Variants in TMEM150C observed in about 807,000 individuals in gnomAD.
The protein encoded by TMEM150C is transmembrane protein 150C.
In TMEM150C, 10 loss-of-function variants were observed where a neutral mutation model predicts 29.9. The observed-to-expected ratio is 0.33, with a 90% CI of 0.21 to 0.57. The LOEUF (loss-of-function observed/expected upper bound fraction) is 0.57. TMEM150C is among the 20% of genes least tolerant of loss of function. TMEM150C has a pLI of 0.88. For missense variants in TMEM150C, 251 were observed against 303.6 expected (o/e 0.83, Z 1.29); for synonymous variants, 101 against 112.5 (o/e 0.90, Z 0.64).
intron 1 of TMEM150C, among the ~76,000 whole-genome samples, chr4:82,550,945 G>C (rs1725558346): frequency 6.6e-6 from 1 of 152,208 alleles, no homozygotes; most frequent in African/African-American, 2.4e-5. Context: ...GTGAAGGCTT[G>C]AGAGTGAGTA....
intron 6 of TMEM150C, among the ~76,000 whole-genome samples, chr4:82,492,864 G>GTATATATATATATAAATATATA (rs1723410979): frequency 2.2e-5 from 2 of 90,288 alleles, no homozygotes; most frequent in African/African-American, 3.9e-5. Flanking sequence ...ATATGTTTGT[G>GTATATATATATATAAATATATA]TATATATATA....
rs186351736 is a variant in TMEM150C at position 82,559,216 on chromosome 4, C to T, written c.-11+2690G>A. On this transcript the variant is annotated intron_variant, in intron 1 of 7. Transcript: ENST00000449862. ...GTGAAATAAACAGCCTTGTTGCTCA[C>T]ACAAAGCCTGTTGGTGGACTCTCTT... is the stretch of plus-strand genomic sequence containing the variant. Among the ~76,000 whole-genome samples the T allele has an allele frequency of 6.7e-3, 1,016 of 152,196 alleles. 5 individuals are homozygous for T. Among genetic ancestry groups the T allele is most frequent in the South Asian group, 0.035 (168 of 4,816 alleles).
intron 1 of TMEM150C, among the ~76,000 whole-genome samples, chr4:82,549,375 C>A (rs1389123430): frequency 2.0e-5 from 3 of 152,160 alleles, no homozygotes; most frequent in African/African-American, 7.2e-5. Flanking sequence ...AAGACAAATA[C>A]TATACCATAT....
At chr4:82,502,168 A>C (rs1413207294) in intron 5 of TMEM150C, among the ~76,000 whole-genome samples, 2 of 152,210 alleles carry the variant, frequency 1.3e-5, no homozygotes, top group African/African-American at 4.8e-5. Flanking sequence ...CTTGGGCCCC[A>C]AAGAAAAAGG....
chr4:82,512,498 T>C (rs1209369626), intron 1 of TMEM150C, among the ~76,000 whole-genome samples: 4 of 152,264 alleles, frequency 2.6e-5, no homozygotes, highest in African/African-American at 4.8e-5. Context: ...GCCTACCTTA[T>C]ACTTCGCAGC....
chr4:82,523,380 T>C lies in TMEM150C; in HGVS notation c.-10-18713A>G, dbSNP rs1435563734. On this transcript the variant is annotated intron_variant, in intron 1 of 7. Coordinates refer to ENST00000449862, the MANE Select transcript of TMEM150C (RefSeq NM_001080506.3). ...ACTAGGCATGTCACTTACGTAGCCCTGCGAGAAAGCTGGCCCTCTCATCCC... is the reference window on the plus strand; with the variant it reads ...ACTAGGCATGTCACTTACGTAGCCCCGCGAGAAAGCTGGCCCTCTCATCCC... 4.6e-5 allele frequency among the ~76,000 whole-genome samples: 7 copies of C among 152,284 alleles called. No individual in the cohort carries two copies. The East Asian group carries it at 1.4e-3, about 29-fold the overall frequency.
chr4:82,492,808 AAACAAC>A (rs1171873300), intron 6 of TMEM150C, among the ~76,000 whole-genome samples: 1 of 119,212 alleles, frequency 8.4e-6, no homozygotes, highest in Admixed American at 8.2e-5. Flanking sequence ...AAAAAAAAAA[AAACAAC>A]AAAGTCTATC....
chr4:82,499,077 T>C (rs971086942), intron 5 of TMEM150C, among the ~76,000 whole-genome samples: 1 of 152,216 alleles, frequency 6.6e-6, no homozygotes, highest in Non-Finnish European at 1.5e-5. Flanking sequence ...ATTTTTAGAA[T>C]GATGGATCTA....
At chr4:82,553,614 C>A (rs1230430885) in intron 1 of TMEM150C, among the ~76,000 whole-genome samples, 1 of 152,128 alleles carries the variant, frequency 6.6e-6, no homozygotes, top group African/African-American at 2.4e-5. Context: ...TAAGTTAGAA[C>A]TTGTGTTATG....
intron 6 of TMEM150C, chr4:82,495,106 G>T: frequency 2.5e-6 from 2 of 787,696 alleles, no homozygotes; most frequent in South Asian, 2.0e-5. Flanking sequence ...TTGTTTAAGG[G>T]CTTTCTTACA....
At chr4:82,542,821 C>A (rs1342834806) in intron 1 of TMEM150C, among the ~76,000 whole-genome samples, 2 of 151,954 alleles carry the variant, frequency 1.3e-5, no homozygotes, top group African/African-American at 4.8e-5. Flanking sequence ...ACTAGCTGGA[C>A]CGAAGAAAAT....
intron 1 of TMEM150C, among the ~76,000 whole-genome samples, chr4:82,559,072 C>G (rs886592369): frequency 6.6e-6 from 1 of 152,132 alleles, no homozygotes; most frequent in African/African-American, 2.4e-5. Context: ...TGAGATCCAC[C>G]CCCTGCCTGC....
At chr4:82,495,886 A>T in intron 6 of TMEM150C, 182 bp downstream of exon 6, 1 of 718,390 alleles carries the variant, frequency 1.4e-6, no homozygotes, top group Non-Finnish European at 2.3e-6. Context: ...GGAGCTGTTC[A>T]GCTTCATCTT....
intron 6 of TMEM150C, among the ~76,000 whole-genome samples, chr4:82,493,197 T>C (rs1723428994): frequency 6.6e-6 from 1 of 151,928 alleles, no homozygotes; most frequent in South Asian, 2.1e-4. Flanking sequence ...ATTTTTTCTA[T>C]TGTTTTTGGC....
chr4:82,551,638 C>G (rs1201442577), intron 1 of TMEM150C, among the ~76,000 whole-genome samples: 1 of 152,118 alleles, frequency 6.6e-6, no homozygotes, highest in East Asian at 1.9e-4. Flanking sequence ...CTTTTTGATC[C>G]TATAAGACTC....
At chr4:82,542,207 G>A (rs976517565) in intron 1 of TMEM150C, among the ~76,000 whole-genome samples, 3 of 152,168 alleles carry the variant, frequency 2.0e-5, no homozygotes, top group Non-Finnish European at 4.4e-5. Context: ...TTAGGAAAAG[G>A]TAAGGTTTAT....
intron 5 of TMEM150C, chr4:82,496,406 T>G: frequency 2.0e-6 from 1 of 493,574 alleles, no homozygotes; most frequent in Non-Finnish European, 3.6e-6. Context: ...AAACTTTCCA[T>G]GCAATGCTTA....
upstream of TMEM150C, chr4:82,562,083 C>T (rs1725958983): frequency 8.5e-7 from 1 of 1,183,030 alleles, no homozygotes. Context: ...ATTCTGGGGT[C>T]CCCGCTGCTA....
At chr4:82,498,433 G>A (rs1487258372) in intron 5 of TMEM150C, among the ~76,000 whole-genome samples, 1 of 152,178 alleles carries the variant, frequency 6.6e-6, no homozygotes, top group African/African-American at 2.4e-5. Context: ...GGGACTACAG[G>A]TGCACGCCAC....
Sources: allele counts gnomAD v4.1 joint callset (sites outside exome capture counted in the v4.1 genomes callset), GRCh38; gene constraint gnomAD v4.1.1; transcripts MANE v1.5; gene names NCBI Gene and HGNC (gene_info 2026-07-23, HGNC 2026-07-21).